The following DCDC1 variants were observed in gnomAD, a reference collection of about 807,000 sequenced individuals.
The protein encoded by DCDC1 is doublecortin domain containing 1, also known as doublecortin domain-containing protein 1.
Under a neutral mutation model 178.3 loss-of-function variants are expected in DCDC1, and 200 were observed. The ratio of observed to expected loss-of-function variants is 1.12; its 90% CI spans 1.00 to 1.26. The LOEUF (loss-of-function observed/expected upper bound fraction) is 1.26. Among genes scored for constraint, DCDC1 ranks in the 50% most tolerant of loss-of-function variants. The pLI, the probability that DCDC1 is intolerant of heterozygous loss-of-function variation, is 0.00. For synonymous variants in DCDC1, 690 were observed against 604.8 expected (o/e 1.14, Z -2.07); for missense variants, 1,983 against 1,749.2 (o/e 1.13, Z -2.38).
intron 2 of DCDC1, among the ~76,000 whole-genome samples, chr11:31,332,885 T>C (rs1950073578): frequency 6.6e-6 from 1 of 152,202 alleles, no homozygotes; most frequent in Admixed American, 6.5e-5. Context: ...GTTCTGTAGA[T>C]GTCTATTAGG....
In DCDC1 at chr11:31,360,102, A is replaced by G. The variant is rs772647011; in HGVS notation, c.-125+9595T>C. Among the ~76,000 whole-genome samples the G allele has an allele frequency of 6.4e-4, 98 of 152,210 alleles. 1 individual carries two copies. Among genetic ancestry groups the G allele is most frequent in the Non-Finnish European group, 3.4e-4 (23 of 68,028 alleles). On this transcript the variant is annotated intron_variant, in intron 1 of 38. Transcript: ENST00000684477. ...TGCCTCCTGAATTGTCCAAGAAAACATGTCTAGACATGGTAGAAAGTATTC... is the reference window on the plus strand; with the variant it reads ...TGCCTCCTGAATTGTCCAAGAAAACGTGTCTAGACATGGTAGAAAGTATTC...
intron 20 of DCDC1, among the ~76,000 whole-genome samples, chr11:31,056,430 T>C (rs1408985225): frequency 6.6e-6 from 1 of 152,074 alleles, no homozygotes; most frequent in Non-Finnish European, 1.5e-5. Context: ...CACTAAAAAA[T>C]ACTTTTTCAT....
chr11:31,090,359 A>G (rs1957747696), intron 17 of DCDC1, among the ~76,000 whole-genome samples: 1 of 152,162 alleles, frequency 6.6e-6, no homozygotes, highest in Non-Finnish European at 1.5e-5. Context: ...CTTTCAGGTT[A>G]TAGGGCCTGA....
intron 20 of DCDC1, among the ~76,000 whole-genome samples, chr11:30,980,675 G>A (rs1027272558): frequency 6.6e-6 from 1 of 152,058 alleles, no homozygotes; most frequent in Admixed American, 6.6e-5. Context: ...TAAATAGGTG[G>A]ATCAATAAAT....
Position 31,342,334 on chromosome 11 carries a change from A to C in DCDC1, c.-124-6770T>G, listed in dbSNP as rs1950594902. On this transcript the variant is annotated intron_variant, in intron 1 of 38. Transcript: ENST00000684477. The stretch of plus-strand genomic sequence containing the variant: ...TCACGTGTTTCTCTTGCACTTTCTA[A>C]CTATGTGGCCTTAAGTATCATGAAT... Among the ~76,000 whole-genome samples, 2 of 152,186 alleles carry C rather than the reference A, an allele frequency of 1.3e-5. 1 individual carries two copies. Among genetic ancestry groups the C allele is most frequent in the Admixed American group, 1.3e-4 (2 of 15,270 alleles).
chr11:31,165,546 A>G lies in DCDC1; in HGVS notation c.1222-27762T>C, dbSNP rs926668395. ...GGCTGATCTTGAACTCCTAGCCTCA[A>G]GCGACCCTCCCACCTTGGTCTCCCA... On this transcript the variant is annotated intron_variant, in intron 9 of 38. Coordinates refer to ENST00000684477, the MANE Select transcript of DCDC1 (RefSeq NM_001387274.1). Among the ~76,000 whole-genome samples, 3 of 152,304 alleles carry G rather than the reference A, an allele frequency of 2.0e-5. No homozygotes were observed. In the South Asian group the frequency reaches 6.2e-4, roughly 32 times the overall value.
chr11:31,031,826 T>C (rs1163546939), intron 20 of DCDC1, among the ~76,000 whole-genome samples: 1 of 152,198 alleles, frequency 6.6e-6, no homozygotes, highest in East Asian at 1.9e-4. Flanking sequence ...ATGACATTTG[T>C]AGTGTAGAGC....
chr11:31,172,066 T>G (rs1967314289), intron 9 of DCDC1, among the ~76,000 whole-genome samples: 1 of 152,164 alleles, frequency 6.6e-6, no homozygotes, highest in Admixed American at 6.6e-5. Context: ...AAAAAACTGA[T>G]GGTCAGAGTG....
At chr11:31,211,925 A>G (rs943934155) in intron 9 of DCDC1, among the ~76,000 whole-genome samples, 9 of 152,094 alleles carry the variant, frequency 5.9e-5, no homozygotes, top group African/African-American at 2.2e-4. Context: ...TACTAAAAAT[A>G]CAAAAAAATT....
chr11:31,146,238 A>AT (rs371843331), intron 9 of DCDC1, among the ~76,000 whole-genome samples: 18 of 150,990 alleles, frequency 1.2e-4, no homozygotes, highest in South Asian at 4.2e-4. Context: ...TGCCTGGCTA[A>AT]TTTTTTTTTG....
At chr11:30,971,028 C>CA (rs955224973) in intron 20 of DCDC1, among the ~76,000 whole-genome samples, 80 of 152,286 alleles carry the variant, frequency 5.3e-4, no homozygotes, top group African/African-American at 1.9e-3. Context: ...CACACACACA[C>CA]AAAGTTCCAC....
intron 20 of DCDC1, among the ~76,000 whole-genome samples, chr11:31,026,096 T>C (rs1423120952): frequency 1.3e-5 from 2 of 151,918 alleles, no homozygotes; most frequent in East Asian, 3.9e-4. Context: ...TTAATTCAAA[T>C]ATCATTTAAA....
At chr11:31,042,801 T>TA (rs1408279765) in intron 20 of DCDC1, among the ~76,000 whole-genome samples, 2 of 152,210 alleles carry the variant, frequency 1.3e-5, no homozygotes, top group Non-Finnish European at 2.9e-5. Flanking sequence ...AGCAACCTCT[T>TA]AGTCTCAGTC....
intron 9 of DCDC1, among the ~76,000 whole-genome samples, chr11:31,222,874 T>C (rs1309933418): frequency 2.6e-5 from 4 of 152,156 alleles, no homozygotes; most frequent in Admixed American, 6.6e-5. Context: ...ATCAGGGGGA[T>C]AGGACTTCAA....
intron 37 of DCDC1, 21 bp from the exon 38 acceptor site, chr11:30,878,732 AG>A (rs1159192794): frequency 1.4e-6 from 2 of 1,465,532 alleles, no homozygotes; most frequent in East Asian, 2.3e-5. Context: ...AAAAAAAAAA[AG>A]AAGTTGAGAG....
At chr11:31,257,658 A>G (rs1005265100) in intron 8 of DCDC1, among the ~76,000 whole-genome samples, 1 of 151,294 alleles carries the variant, frequency 6.6e-6, no homozygotes, top group Non-Finnish European at 1.5e-5. Flanking sequence ...AATGGTACGC[A>G]TCTGACCCAA....
chr11:31,019,881 A>C (rs1952752716), intron 20 of DCDC1, among the ~76,000 whole-genome samples: 3 of 148,812 alleles, frequency 2.0e-5, no homozygotes, highest in East Asian at 4.0e-4. Flanking sequence ...CCGGACCCCC[A>C]CCCCCCAGTC....
chr11:31,240,777 G>C (rs762875490), intron 9 of DCDC1, among the ~76,000 whole-genome samples: 1 of 151,826 alleles, frequency 6.6e-6, no homozygotes, highest in Non-Finnish European at 1.5e-5. Context: ...GTTATAAATG[G>C]CATCAGTTAT....
chr11:31,123,343 T>C (rs1961088683), intron 11 of DCDC1, among the ~76,000 whole-genome samples: 2 of 152,066 alleles, frequency 1.3e-5, no homozygotes, highest in Non-Finnish European at 2.9e-5. Flanking sequence ...TAGGTAATAG[T>C]AAAATGTAAT....
Sources: allele counts gnomAD v4.1 joint callset (sites outside exome capture counted in the v4.1 genomes callset), GRCh38; gene constraint gnomAD v4.1.1; transcripts MANE v1.5; gene names NCBI Gene and HGNC (gene_info 2026-07-23, HGNC 2026-07-21).